The following DENND5A variants were observed in gnomAD, a reference collection of about 807,000 sequenced individuals.
The protein encoded by DENND5A is DENN domain-containing protein 5A.
DENND5A carries 64 observed loss-of-function variants against 140.3 expected under a neutral mutation model. The observed-to-expected ratio is 0.46, with a 90% CI of 0.37 to 0.56. The LOEUF is 0.56. Among genes scored for constraint, DENND5A ranks in the 20% least tolerant of loss-of-function variants. The pLI is 0.00. For synonymous variants in DENND5A, 605 were observed against 607.7 expected (o/e 1.00, Z 0.07); for missense variants, 1,292 against 1,593.8 (o/e 0.81, Z 3.22).
At chr11:9,216,824 T>C (rs1468414423) in intron 1 of DENND5A, among the ~76,000 whole-genome samples, 1 of 152,166 alleles carries the variant, frequency 6.6e-6, no homozygotes, top group South Asian at 2.1e-4. Flanking sequence ...TGAGCTGTGA[T>C]GGTGCTACTG....
rs188755765 is a variant in DENND5A, at chr11:9,181,191, G to C, written c.1138-107C>G. The C allele has an allele frequency of 5.8e-4, 535 of 917,604 alleles. 1 individual carries two copies. In the African/African-American group the frequency reaches 8.0e-3, roughly 14 times the overall value. 56.8% of individuals were successfully genotyped at this position (917,604 alleles called of 1,614,324 possible). A position where few individuals can be genotyped will look rare whatever the true frequency, so the allele number is the denominator to read the frequency against. On this transcript the variant is annotated intron_variant, in intron 5 of 22. Coordinates refer to ENST00000328194, the MANE Select transcript of DENND5A (RefSeq NM_015213.4). Reference sequence around the variant, plus strand: ...GGGCAAAAACAAAACACCTGAAATGGCTATATTTGAGATATGGTATAAGGA... The same window carrying C: ...GGGCAAAAACAAAACACCTGAAATGCCTATATTTGAGATATGGTATAAGGA...
intron 10 of DENND5A, among the ~76,000 whole-genome samples, chr11:9,168,796 C>T (rs1466983312): frequency 3.3e-5 from 5 of 152,188 alleles, no homozygotes; most frequent in Non-Finnish European, 1.5e-5. Context: ...AGTATGCCTT[C>T]TTGGGTTCTC....
At chr11:9,201,199 C>T (rs1476972696) in intron 4 of DENND5A, among the ~76,000 whole-genome samples, 6 of 150,924 alleles carry the variant, frequency 4.0e-5, no homozygotes, top group Non-Finnish European at 8.8e-5. Flanking sequence ...GAACCTAGCT[C>T]TACAAAAAAA....
At chr11:9,186,635 TG>T (rs1278063202) in intron 5 of DENND5A, among the ~76,000 whole-genome samples, 1 of 152,218 alleles carries the variant, frequency 6.6e-6, no homozygotes, top group African/African-American at 2.4e-5. Context: ...TGTCCACATT[TG>T]TAGAAACCTT....
chr11:9,206,561 C>A, intron 3 of DENND5A, 112 bp downstream of exon 3: 2 of 784,028 alleles, frequency 2.6e-6, no homozygotes, highest in South Asian at 3.0e-5. Context: ...ATAATCCTTT[C>A]TTCAAAAGTT....
intron 22 of DENND5A, chr11:9,140,153 C>T: frequency 2.8e-6 from 4 of 1,417,442 alleles, no homozygotes; most frequent in Non-Finnish European, 3.7e-6. Flanking sequence ...TCTCCTCCCA[C>T]AGCTACCACC....
rs547345671 is a variant in DENND5A, at chr11:9,218,832, C to G, written c.110-11200G>C. On this transcript the variant is annotated intron_variant, in intron 1 of 22. Transcript: ENST00000328194. ...ACCAAGCTAGCCAACATGGTGAAAC[C>G]CCACCTCTACTAAAAAAATAAAAAT... Among the ~76,000 whole-genome samples the G allele has an allele frequency of 3.9e-5, 6 of 152,084 alleles. No individual in the cohort carries two copies. The East Asian group carries it at 1.2e-3, about 29-fold the overall frequency.
chr11:9,264,525 C>T (rs762624172), intron 1 of DENND5A, among the ~76,000 whole-genome samples: 1 of 152,144 alleles, frequency 6.6e-6, no homozygotes, highest in Admixed American at 6.6e-5. Flanking sequence ...GAACTAGTAT[C>T]ACAAGCTTCT....
chr11:9,167,046 T>C (rs769996157), intron 10 of DENND5A, among the ~76,000 whole-genome samples: 1 of 152,210 alleles, frequency 6.6e-6, no homozygotes, highest in African/African-American at 2.4e-5. Flanking sequence ...GAAAATAAGA[T>C]TGCACACTCA....
At chr11:9,256,297 T>G (rs1436174737) in intron 1 of DENND5A, among the ~76,000 whole-genome samples, 4 of 151,850 alleles carry the variant, frequency 2.6e-5, no homozygotes. Context: ...CCGTCTCTAC[T>G]AAAAATACAA....
intron 1 of DENND5A, among the ~76,000 whole-genome samples, chr11:9,240,012 C>A (rs1283063899): frequency 6.6e-6 from 1 of 152,046 alleles, no homozygotes; most frequent in African/African-American, 2.4e-5. Flanking sequence ...AGAGCTACGC[C>A]CTCTATAGTA....
chr11:9,228,023 G>C (rs1030218502), intron 1 of DENND5A, among the ~76,000 whole-genome samples: 1 of 138,226 alleles, frequency 7.2e-6, no homozygotes, highest in Non-Finnish European at 1.5e-5. Context: ...TGAAGCAGGA[G>C]AATCATTTGA....
In DENND5A at chr11:9,150,214, A is replaced by C. The variant is rs749983105; in HGVS notation, c.2607-5T>G. 3.1e-6 allele frequency: 5 copies of C among 1,613,136 alleles called. No individual in the cohort carries two copies. The highest frequency in any genetic ancestry group is 3.3e-5 in the Admixed American group (2 of 59,894). On this transcript the variant is annotated splice_region_variant and splice_polypyrimidine_tract_variant and intron_variant, in intron 14 of 22. Coordinates refer to ENST00000328194, the MANE Select transcript of DENND5A (RefSeq NM_015213.4). The stretch of plus-strand genomic sequence containing the variant: ...TCCCCGATGTTCTGGATGTGCCTGG[A>C]GGAAGAATGTAAAAAGGAAGTGGAG...
intron 22 of DENND5A, among the ~76,000 whole-genome samples, chr11:9,141,391 C>A (rs960824084): frequency 2.6e-5 from 4 of 152,194 alleles, no homozygotes; most frequent in Admixed American, 6.5e-5. Flanking sequence ...GGGATACAGT[C>A]TGAGAAATGT....
chr11:9,193,900 A>G (rs1849228108), intron 4 of DENND5A, among the ~76,000 whole-genome samples: 1 of 152,226 alleles, frequency 6.6e-6, no homozygotes, highest in African/African-American at 2.4e-5. Flanking sequence ...CTACACACAC[A>G]GGTCCTTGCT....
intron 11 of DENND5A, among the ~76,000 whole-genome samples, chr11:9,164,056 G>GTTTTTTTTTTTTTTTTTTTT (rs768604681): frequency 1.7e-5 from 1 of 57,958 alleles, no homozygotes; most frequent in Non-Finnish European, 3.2e-5. Context: ...TATTAATCAG[G>GTTTTTTTTTTTTTTTTTTTT]TTTTTTTTTT....
intron 5 of DENND5A, among the ~76,000 whole-genome samples, chr11:9,191,441 T>C (rs537880851): frequency 4.7e-4 from 71 of 152,344 alleles, no homozygotes; most frequent in Middle Eastern, 3.4e-3. Flanking sequence ...AGTTTCACCA[T>C]GTTGACCAGA....
chr11:9,174,052 T>C (rs1848462954), intron 8 of DENND5A, among the ~76,000 whole-genome samples: 1 of 121,538 alleles, frequency 8.2e-6, no homozygotes, highest in Non-Finnish European at 1.6e-5. Flanking sequence ...GCAGTGAGCC[T>C]AGATCTCGCC....
At chr11:9,140,491 G>A (rs1429723438) in intron 22 of DENND5A, among the ~76,000 whole-genome samples, 7 of 152,080 alleles carry the variant, frequency 4.6e-5, no homozygotes, top group Non-Finnish European at 1.0e-4. Flanking sequence ...TGACCTACAG[G>A]AATAGCCCCT....
Sources: gnomAD v4.1 joint callset for allele counts (sites outside exome capture counted in the v4.1 genomes callset) on GRCh38, gnomAD v4.1.1 for gene constraint, MANE v1.5 for transcripts, NCBI Gene and HGNC (gene_info 2026-07-23, HGNC 2026-07-21) for gene names.